The following PDE1A variants were observed in gnomAD, a reference collection of about 807,000 sequenced individuals.
PDE1A encodes dual specificity calcium/calmodulin-dependent 3',5'-cyclic nucleotide phosphodiesterase 1A.
A neutral mutation model predicts 61.7 loss-of-function variants in PDE1A; 35 were observed. The ratio of observed to expected loss-of-function variants is 0.57; its 90% confidence interval spans 0.43 to 0.75. PDE1A has a LOEUF of 0.75. Ranked by LOEUF, PDE1A falls within the 30% of genes least tolerant of loss-of-function variation. The pLI is 0.00. For synonymous variants in PDE1A, 232 were observed against 213.2 expected (o/e 1.09, Z -0.77); for missense variants, 597 against 630.6 (o/e 0.95, Z 0.57).
chr2:182,516,687 GGGAAGGGAGGAAGGGAGGAAGGAAGGAA>G (rs1690173575), intron 2 of PDE1A, among the ~76,000 whole-genome samples: 1 of 76,916 alleles, frequency 1.3e-5, no homozygotes, highest in East Asian at 3.8e-4. Flanking sequence ...GAGGGAAGGA[GGGAAGGGAGGAAGGGAGGAAGGAAGGAA>G]GGAAGGAAGG....
the PDE1A span, among the ~76,000 whole-genome samples, chr2:182,555,965 C>CAAAAAAAAAAAAAAAA: frequency 2.1e-5 from 1 of 48,418 alleles, no homozygotes; most frequent in Non-Finnish European, 3.4e-5. Flanking sequence ...AACTCCATCT[C>CAAAAAAAAAAAAAAAA]AAAAAAAAAA....
At chr2:182,457,685 C>T (rs1381140464) in intron 2 of PDE1A, among the ~76,000 whole-genome samples, 3 of 151,952 alleles carry the variant, frequency 2.0e-5, no homozygotes, top group African/African-American at 7.2e-5. Flanking sequence ...AGTAAATTAT[C>T]TTACAAAAAA....
At chr2:182,383,674 T>C (rs191065271) in intron 1 of PDE1A, among the ~76,000 whole-genome samples, 8 of 152,164 alleles carry the variant, frequency 5.3e-5, no homozygotes, top group East Asian at 1.9e-4. Context: ...CATTCATGCA[T>C]GGAAATACCT....
At chr2:182,553,419 A>C in the PDE1A span, among the ~76,000 whole-genome samples, 1 of 152,188 alleles carries the variant, frequency 6.6e-6, no homozygotes, top group Admixed American at 6.5e-5. Context: ...TAGTAGAGAC[A>C]GGGTTTCACC....
At chr2:182,553,841 GTA>G in the PDE1A span, among the ~76,000 whole-genome samples, 1 of 152,208 alleles carries the variant, frequency 6.6e-6, no homozygotes, top group African/African-American at 2.4e-5. Context: ...ACAGAGTTAT[GTA>G]TATCTCTATA....
At chr2:182,680,901 T>C in the PDE1A span, among the ~76,000 whole-genome samples, 1 of 152,218 alleles carries the variant, frequency 6.6e-6, no homozygotes, top group Admixed American at 6.5e-5. Context: ...CACTCTTATT[T>C]ATACCTACTT....
intron 1 of PDE1A, among the ~76,000 whole-genome samples, chr2:182,338,125 C>G (rs1697959713): frequency 6.6e-6 from 1 of 152,182 alleles, no homozygotes; most frequent in Non-Finnish European, 1.5e-5. Context: ...ATGCATGACA[C>G]TTTGGATCCA....
At chr2:182,408,153 T>C (rs1702408407) in intron 1 of PDE1A, among the ~76,000 whole-genome samples, 1 of 139,322 alleles carries the variant, frequency 7.2e-6, no homozygotes, top group Non-Finnish European at 1.5e-5. Context: ...AATCAATTTA[T>C]GCAAAATTAT....
chr2:182,332,405 T>C (rs1037981847), intron 1 of PDE1A, among the ~76,000 whole-genome samples: 8 of 152,066 alleles, frequency 5.3e-5, no homozygotes, highest in Admixed American at 1.3e-4. Context: ...TGGCAAGGAG[T>C]TGTAATCCTT....
intron 1 of PDE1A, among the ~76,000 whole-genome samples, chr2:182,288,362 T>G (rs1251359136): frequency 6.6e-6 from 1 of 152,078 alleles, no homozygotes; most frequent in African/African-American, 2.4e-5. Flanking sequence ...CAAATCACAG[T>G]GTAATCTCTA....
At chr2:182,431,076 T>G, upstream of PDE1A, among the ~76,000 whole-genome samples, 1 of 132,174 alleles carries the variant, frequency 7.6e-6, no homozygotes. Context: ...CTGCACAATG[T>G]GCACATGTAC....
At chr2:182,304,989 T>C (rs145316295) in intron 1 of PDE1A, among the ~76,000 whole-genome samples, 2 of 152,244 alleles carry the variant, frequency 1.3e-5, no homozygotes, top group African/African-American at 4.8e-5. Flanking sequence ...CCCAACTCCA[T>C]TGTCCCTCAG....
chr2:182,366,962 G>A (rs538533992), intron 1 of PDE1A, among the ~76,000 whole-genome samples: 10 of 152,030 alleles, frequency 6.6e-5, no homozygotes, highest in South Asian at 6.2e-4. Context: ...CAAGATAATC[G>A]TAAATCTGAC....
intron 1 of PDE1A, among the ~76,000 whole-genome samples, chr2:182,391,305 T>A (rs1701407359): frequency 6.6e-6 from 1 of 152,064 alleles, no homozygotes; most frequent in African/African-American, 2.4e-5. Flanking sequence ...CTGCATTTAA[T>A]GTTGCCAGCT....
intron 2 of PDE1A, among the ~76,000 whole-genome samples, chr2:182,262,101 TCAC>T: frequency 6.7e-6 from 1 of 149,596 alleles, no homozygotes; most frequent in Non-Finnish European, 1.5e-5. Flanking sequence ...CAGTGAACAT[TCAC>T]CAAGAAAATA....
At chr2:182,423,747 G>GGCA (rs1214655023) in intron 1 of PDE1A, among the ~76,000 whole-genome samples, 1 of 151,740 alleles carries the variant, frequency 6.6e-6, no homozygotes, top group East Asian at 1.9e-4. Flanking sequence ...GTCACGTGAG[G>GGCA]GCACATAAGT....
At chr2:182,455,717 T>C (rs1685868214) in intron 2 of PDE1A, among the ~76,000 whole-genome samples, 1 of 151,456 alleles carries the variant, frequency 6.6e-6, no homozygotes. Flanking sequence ...TGAGAATCCA[T>C]GGACACAGGA....
At chr2:182,312,531 A>G (rs1193363880) in intron 1 of PDE1A, among the ~76,000 whole-genome samples, 1 of 152,186 alleles carries the variant, frequency 6.6e-6, no homozygotes, top group Admixed American at 6.5e-5. Context: ...TAGACATCCA[A>G]TTATTGAGAG....
chr2:182,460,264 G>GCAGC (rs1197924684), intron 2 of PDE1A, among the ~76,000 whole-genome samples: 1 of 152,072 alleles, frequency 6.6e-6, no homozygotes, highest in East Asian at 1.9e-4. Context: ...AATACTCCCA[G>GCAGC]CAGCCTCTTC....
Sources: gnomAD v4.1 joint callset for allele counts (sites outside exome capture counted in the v4.1 genomes callset) on GRCh38, gnomAD v4.1.1 for gene constraint, MANE v1.5 for transcripts, NCBI Gene and HGNC (gene_info 2026-07-23, HGNC 2026-07-21) for gene names.